The following HIVEP1 variants were observed in gnomAD, a reference collection of about 807,000 sequenced individuals.
HIVEP1 encodes the protein zinc finger protein 40.
A neutral mutation model predicts 180.0 loss-of-function variants in HIVEP1; 36 were observed. The ratio of observed to expected loss-of-function variants is 0.20; its 90% CI spans 0.15 to 0.26. HIVEP1 has a LOEUF of 0.26. Among genes scored for constraint, HIVEP1 ranks in the 10% least tolerant of loss-of-function variants. The probability of loss-of-function intolerance (pLI) is 1.00; values close to 1 mark genes in which losing one functional copy is unlikely to be tolerated. For synonymous variants in HIVEP1, 1,239 were observed against 1,239.0 expected, an observed-to-expected ratio of 1.00 and a Z score of 0.00; for missense variants, 3,143 against 3,268.7, an observed-to-expected ratio of 0.96 and a Z score of 0.94.
intron 7 of HIVEP1, among the ~76,000 whole-genome samples, chr6:12,146,163 C>G (rs561796315): frequency 1.3e-5 from 2 of 152,272 alleles, no homozygotes; most frequent in Non-Finnish European, 2.9e-5. Flanking sequence ...ATATAGTCGG[C>G]CGGGTGCAGT....
At chr6:12,126,620 G>C (rs932562903) in intron 4 of HIVEP1, among the ~76,000 whole-genome samples, 1 of 152,118 alleles carries the variant, frequency 6.6e-6, no homozygotes. Context: ...GAAGTATTTG[G>C]CCTCTGCAGA....
chr6:12,184,008 GATA>G, the HIVEP1 span, among the ~76,000 whole-genome samples: 5 of 144,788 alleles, frequency 3.5e-5, no homozygotes, highest in East Asian at 9.7e-4. Flanking sequence ...TAGATAGATA[GATA>G]GATAGATAGA....
intron 7 of HIVEP1, among the ~76,000 whole-genome samples, chr6:12,136,292 T>C (rs1334043456): frequency 2.0e-5 from 3 of 152,278 alleles, no homozygotes; most frequent in East Asian, 3.9e-4. Flanking sequence ...TACTTAACAT[T>C]GATCGCTCTT....
chr6:12,092,869 C>T (rs1773563945), intron 3 of HIVEP1, among the ~76,000 whole-genome samples: 1 of 152,106 alleles, frequency 6.6e-6, no homozygotes, highest in African/African-American at 2.4e-5. Flanking sequence ...GAGAGCTCTG[C>T]CGAGCAGTGT....
At chr6:12,180,291 T>C in the HIVEP1 span, among the ~76,000 whole-genome samples, 84 of 152,354 alleles carry the variant, frequency 5.5e-4, 1 homozygote, top group East Asian at 0.013. Context: ...TACAGGCCCA[T>C]TATTTGCTAA....
intron 7 of HIVEP1, among the ~76,000 whole-genome samples, chr6:12,150,532 A>G (rs1380544693): frequency 6.6e-6 from 1 of 152,236 alleles, no homozygotes; most frequent in Non-Finnish European, 1.5e-5. Flanking sequence ...AAAAATTACT[A>G]GCAAAGCTTT....
chr6:12,102,428 A>G (rs1264045372), intron 3 of HIVEP1, among the ~76,000 whole-genome samples: 1 of 152,204 alleles, frequency 6.6e-6, no homozygotes, highest in African/African-American at 2.4e-5. Flanking sequence ...ACTCAGTAAC[A>G]GAAAAATGTA....
chr6:12,084,310 A>G (rs1026358821), intron 2 of HIVEP1, among the ~76,000 whole-genome samples: 7 of 152,120 alleles, frequency 4.6e-5, no homozygotes, highest in Admixed American at 3.9e-4. Context: ...TGTTTGAAAT[A>G]TTGCTAGTCT....
At chr6:12,107,863 T>C (rs1164833919) in intron 3 of HIVEP1, among the ~76,000 whole-genome samples, 1 of 150,422 alleles carries the variant, frequency 6.6e-6, no homozygotes, top group East Asian at 1.9e-4. Context: ...GGGGTGTGTT[T>C]TGACAGGGCG....
intron 2 of HIVEP1, among the ~76,000 whole-genome samples, chr6:12,086,829 TATAA>T (rs1177065070): frequency 9.2e-5 from 14 of 152,112 alleles, no homozygotes; most frequent in Admixed American, 4.6e-4. Context: ...GGTGAAAAAA[TATAA>T]ATAACGCTTT....
At position 12,121,295 on chromosome 6, in the gene HIVEP1, C is replaced by T. The variant is rs1367345601; in HGVS notation, c.1500C>T (p.Ala500=). The change falls in exon 4 of 9, where the codon GCC becomes GCT. Residue 500 remains alanine, a synonymous_variant. Transcript: ENST00000379388. The surrounding 1 kb of genome is among the most constrained non-coding windows in gnomAD (Gnocchi z 5.3). ...EDSGESEEEG[A]TDERQHDLGA... Reference sequence around the variant, plus strand: ...GTGGGGAGAGCGAGGAGGAAGGCGCCACTGATGAGAGACAGCATGACCTGG... The same window carrying T: ...GTGGGGAGAGCGAGGAGGAAGGCGCTACTGATGAGAGACAGCATGACCTGG... 2 of 1,614,102 alleles carry T rather than the reference C, an allele frequency of 1.2e-6. No individual in the cohort carries two copies. Among genetic ancestry groups the T allele is most frequent in the South Asian group, 1.1e-5 (1 of 91,084 alleles).
chr6:12,191,941 G>C, the HIVEP1 span, among the ~76,000 whole-genome samples: 1 of 152,126 alleles, frequency 6.6e-6, no homozygotes, highest in Non-Finnish European at 1.5e-5. Context: ...GGGAACTGAG[G>C]CCAGAAAACA....
chr6:12,045,952 T>A (rs988387213), intron 2 of HIVEP1, among the ~76,000 whole-genome samples: 4 of 152,218 alleles, frequency 2.6e-5, no homozygotes, highest in African/African-American at 9.7e-5. Flanking sequence ...CTGTTTATAT[T>A]TCTAATACTT....
chr6:12,188,730 C>G, the HIVEP1 span, among the ~76,000 whole-genome samples: 2 of 151,776 alleles, frequency 1.3e-5, no homozygotes, highest in African/African-American at 2.4e-5. Context: ...ATGCCTTATT[C>G]CTGAGCTGAT....
intron 3 of HIVEP1, among the ~76,000 whole-genome samples, chr6:12,108,928 G>A (rs1168371907): frequency 2.0e-5 from 3 of 152,228 alleles, no homozygotes; most frequent in Non-Finnish European, 4.4e-5. Flanking sequence ...GGGCTCTCAG[G>A]ACTGCCAGCA....
At chr6:12,146,943 A>G (rs990036911) in intron 7 of HIVEP1, among the ~76,000 whole-genome samples, 1 of 152,080 alleles carries the variant, frequency 6.6e-6, no homozygotes, top group African/African-American at 2.4e-5. Context: ...GTGGTCCCAG[A>G]AGGAAGGGAA....
chr6:12,025,568 C>A (rs9462378), intron 2 of HIVEP1, among the ~76,000 whole-genome samples: 22,281 of 152,166 alleles, frequency 0.15, 1,682 homozygotes, highest in Admixed American at 0.19. Context: ...AATTTCGGAC[C>A]TGAAGGCTTA....
the HIVEP1 span, among the ~76,000 whole-genome samples, chr6:12,211,383 G>T: frequency 1.3e-5 from 1 of 77,068 alleles, no homozygotes; most frequent in Non-Finnish European, 2.5e-5. Context: ...CTGGGTGACA[G>T]AGCGAGACTC....
At chr6:12,073,687 T>G (rs1171569038) in intron 2 of HIVEP1, among the ~76,000 whole-genome samples, 1 of 152,190 alleles carries the variant, frequency 6.6e-6, no homozygotes, top group African/African-American at 2.4e-5. Context: ...TCTACATTTT[T>G]ATTGTTATTA....
Sources: gnomAD v4.1 joint callset for allele counts (sites outside exome capture counted in the v4.1 genomes callset) on GRCh38, gnomAD v4.1.1 for gene constraint, Gnocchi (gnomAD v3.1) non-coding constraint, MANE v1.5 for transcripts, NCBI Gene and HGNC (gene_info 2026-07-23, HGNC 2026-07-21) for gene names.